HIKESHI: variants seen among roughly 807,000 people sequenced by gnomAD.
The protein encoded by HIKESHI is heat shock protein nuclear import factor hikeshi.
Under a neutral mutation model 25.7 loss-of-function variants are expected in HIKESHI, and 13 were observed. The ratio of observed to expected loss-of-function variants is 0.51; its 90% CI spans 0.33 to 0.80. The LOEUF (loss-of-function observed/expected upper bound fraction) is 0.80, where lower values mean the gene tolerates loss of function less well. Ranked by LOEUF, HIKESHI falls within the 30% of genes least tolerant of loss-of-function variation. The pLI is 0.02. For missense variants in HIKESHI, 174 were observed against 229.5 expected (o/e 0.76, Z 1.56); for synonymous variants, 76 against 78.7 (o/e 0.97, Z 0.18).
At position 86,306,404 on chromosome 11, in the gene HIKESHI, A is replaced by G; in HGVS notation, c.190A>G (p.Met64Val). 1 of 1,614,110 alleles carries G rather than the reference A, an allele frequency of 6.2e-7. No homozygotes were observed. Among genetic ancestry groups the G allele is most frequent in the Non-Finnish European group, 8.5e-7 (1 of 1,179,948 alleles). ...CTTTTCTTATCCTGATTCAAATGGA[A>G]TGCCAGTATGGCAACTCCTAGGATT... ...VYFSYPDSNG[M>V]PVWQLLGFVT... is the part of the protein sequence containing the mutation. Residue 64 changes from methionine to valine, a missense_variant, in exon 2 of 5, where the codon ATG (methionine) becomes GTG (valine). Met to Val is a conservative substitution (Grantham distance 21). Coordinates refer to ENST00000278483, the MANE Select transcript of HIKESHI (RefSeq NM_016401.4).
chr11:86,312,921 A>C (rs1221260504), intron 2 of HIKESHI, among the ~76,000 whole-genome samples: 2 of 152,194 alleles, frequency 1.3e-5, no homozygotes, highest in Non-Finnish European at 2.9e-5. Context: ...TTCTGTGGAG[A>C]GGTCCACTGT....
chr11:86,318,086 C>T (rs61294026), intron 2 of HIKESHI, among the ~76,000 whole-genome samples: 1,975 of 151,658 alleles, frequency 0.013, 46 homozygotes, highest in African/African-American at 0.046. Flanking sequence ...GGGCGGATCA[C>T]GAGGTCAGGA....
intron 2 of HIKESHI, among the ~76,000 whole-genome samples, chr11:86,324,928 C>G (rs565847594): frequency 1.3e-5 from 2 of 152,104 alleles, no homozygotes; most frequent in Non-Finnish European, 2.9e-5. Flanking sequence ...CCTGTAATTT[C>G]AGCACTTCGG....
chr11:86,306,541 T>G lies in HIKESHI; in HGVS notation c.268+59T>G, dbSNP rs1006493544. On this transcript the variant is annotated intron_variant, in intron 2 of 4. Transcript: ENST00000278483. Reference sequence around the variant, plus strand: ...AATCAAACTTTTTTCTTAAATAGCATAACATGGAATATGACTTTTCCCCCT... The same window carrying G: ...AATCAAACTTTTTTCTTAAATAGCAGAACATGGAATATGACTTTTCCCCCT... 5 of 967,960 alleles carry G rather than the reference T, an allele frequency of 5.2e-6. No individual in the cohort carries two copies. In the African/African-American group the frequency reaches 6.6e-5, roughly 13 times the overall value. The allele number at this position is 967,960 out of a possible 1,614,324, so 60.0% of individuals were successfully genotyped here.
In HIKESHI at chr11:86,344,658, C is replaced by G. The variant is rs1313624783; in HGVS notation, c.476C>G (p.Ser159Cys). ...AATTTTGCTTCATCATTTGCTGTCT[C>G]TCAGGCCCAGATGACACCAAGCCCA... Reference protein sequence around the residue: ...FYNFASSFAVSQAQMTPSPSE... With the variant: ...FYNFASSFAVCQAQMTPSPSE... The change falls in exon 4 of 5, where the codon TCT becomes TGT. Residue 159 changes from serine (S) to cysteine (C), a missense_variant. By Grantham distance (112) the Ser-to-Cys change is moderately radical. Transcript: ENST00000278483. 2 of 1,612,446 alleles carry G rather than the reference C, an allele frequency of 1.2e-6. No homozygotes were observed. The highest frequency in any genetic ancestry group is 2.7e-5 in the African/African-American group (2 of 74,906).
At chr11:86,306,730 C>T (rs898661411) in intron 2 of HIKESHI, among the ~76,000 whole-genome samples, 9 of 151,726 alleles carry the variant, frequency 5.9e-5, no homozygotes, top group East Asian at 1.9e-4. Context: ...CCGGGCGCGG[C>T]GGCTCATTCC....
chr11:86,316,936 G>C (rs1261151336), intron 2 of HIKESHI, among the ~76,000 whole-genome samples: 1 of 151,568 alleles, frequency 6.6e-6, no homozygotes, highest in African/African-American at 2.4e-5. Context: ...TGGGACTACA[G>C]GTGACCACCA....
At chr11:86,338,956 G>A (rs985091619) in intron 3 of HIKESHI, among the ~76,000 whole-genome samples, 7 of 152,156 alleles carry the variant, frequency 4.6e-5, no homozygotes, top group Admixed American at 1.3e-4. Context: ...AATGTATTAC[G>A]AAATATTTTA....
intron 1 of HIKESHI, chr11:86,303,351 A>T: frequency 1.1e-6 from 1 of 943,398 alleles, no homozygotes; most frequent in Non-Finnish European, 1.3e-6. Context: ...TTCTGTACAT[A>T]TACAGTTCTA....
intron 2 of HIKESHI, among the ~76,000 whole-genome samples, chr11:86,307,510 TC>T (rs1946669191): frequency 7.2e-6 from 1 of 138,940 alleles, no homozygotes; most frequent in Non-Finnish European, 1.5e-5. Flanking sequence ...ACATTATATA[TC>T]AAATATATAT....
chr11:86,339,702 C>G (rs1360295678), intron 3 of HIKESHI, among the ~76,000 whole-genome samples: 1 of 152,010 alleles, frequency 6.6e-6, no homozygotes, highest in East Asian at 1.9e-4. Flanking sequence ...CTTAGTTACT[C>G]CAAATTTTTA....
intron 4 of HIKESHI, 189 bp from the exon 5 acceptor site, chr11:86,345,395 C>A: frequency 2.1e-6 from 1 of 471,700 alleles, no homozygotes; most frequent in Non-Finnish European, 3.7e-6. Flanking sequence ...CAAAACTGCC[C>A]CGATATTTAA....
intron 2 of HIKESHI, among the ~76,000 whole-genome samples, chr11:86,316,262 A>C (rs927388818): frequency 1.3e-5 from 2 of 151,650 alleles, no homozygotes; most frequent in Non-Finnish European, 1.5e-5. Flanking sequence ...TGTAATCCCA[A>C]CACTTTGGGA....
chr11:86,314,684 T>G (rs1045126927), intron 2 of HIKESHI, among the ~76,000 whole-genome samples: 2 of 152,084 alleles, frequency 1.3e-5, no homozygotes, highest in East Asian at 3.9e-4. Flanking sequence ...TAAAAATTGT[T>G]TAGAATTGAT....
intron 2 of HIKESHI, among the ~76,000 whole-genome samples, chr11:86,327,462 C>G (rs937697724): frequency 6.6e-6 from 1 of 152,066 alleles, no homozygotes; most frequent in Non-Finnish European, 1.5e-5. Context: ...CCACAGGCGC[C>G]TGCCACCACG....
At chr11:86,337,593 C>G (rs1947604019) in intron 3 of HIKESHI, 63 bp downstream of exon 3, 1 of 1,481,544 alleles carries the variant, frequency 6.7e-7, no homozygotes, top group African/African-American at 1.4e-5. Flanking sequence ...GTATAATATA[C>G]AAGTTAAAAT....
At chr11:86,328,031 C>T (rs184538188) in intron 2 of HIKESHI, among the ~76,000 whole-genome samples, 4 of 152,216 alleles carry the variant, frequency 2.6e-5, no homozygotes, top group Admixed American at 2.6e-4. Flanking sequence ...ACTAATAGAG[C>T]ATATCCCTGC....
rs1343239458 is a variant in HIKESHI, at chr11:86,344,638, T to G, written c.456T>G (p.Phe152Leu). The change falls in exon 4 of 5, where the codon TTT (phenylalanine) becomes TTG (leucine). Residue 152 changes from phenylalanine to leucine, a missense_variant. By Grantham distance (22) the Phe-to-Leu change is conservative. Coordinates refer to ENST00000278483, the MANE Select transcript of HIKESHI (RefSeq NM_016401.4). Reference protein sequence around the residue: ...TQKMLDNFYNFASSFAVSQAQ... With the variant: ...TQKMLDNFYNLASSFAVSQAQ... ...AGATGTTGGACAATTTCTACAATTT[T>G]GCTTCATCATTTGCTGTCTCTCAGG... 1.2e-6 allele frequency: 2 copies of G among 1,607,996 alleles called. No individual in the cohort carries two copies. Among genetic ancestry groups the G allele is most frequent in the Non-Finnish European group, 1.7e-6 (2 of 1,175,840 alleles).
At chr11:86,340,599 G>GTTTA (rs953183040) in intron 3 of HIKESHI, among the ~76,000 whole-genome samples, 1 of 151,872 alleles carries the variant, frequency 6.6e-6, no homozygotes, top group East Asian at 1.9e-4. Context: ...TGATGGGGTT[G>GTTTA]TTTTTTTCTT....
Sources: allele counts gnomAD v4.1 joint callset (sites outside exome capture counted in the v4.1 genomes callset), GRCh38; gene constraint gnomAD v4.1.1; transcripts MANE v1.5; gene names NCBI Gene and HGNC (gene_info 2026-07-23, HGNC 2026-07-21).